Variants in SLC19A1 observed in about 807,000 individuals in gnomAD.
The protein encoded by SLC19A1 is solute carrier family 19 member 1, also known as reduced folate transporter.
SLC19A1 carries 37 observed loss-of-function variants against 35.3 expected under a neutral mutation model. That is an observed-to-expected ratio of 1.05 (90% CI 0.81 to 1.38). The LOEUF is 1.38. Ranked by LOEUF, SLC19A1 falls within the 40% of genes most tolerant of loss-of-function variation. SLC19A1 has a pLI of 0.00. For missense variants in SLC19A1, 831 were observed against 826.9 expected (o/e 1.00, Z -0.06); for synonymous variants, 460 against 398.5 (o/e 1.15, Z -1.84).
At chr21:45,509,439 C>T (rs1380703389), downstream of SLC19A1, 7 of 1,534,546 alleles carry the variant, frequency 4.6e-6, no homozygotes, top group African/African-American at 1.4e-5. Context: ...ACCCCCACCC[C>T]ACCGCGCGGC....
At position 45,531,936 on chromosome 21, in the gene SLC19A1, G is replaced by A; in HGVS notation, c.402C>T (p.Ile134=). 3 of 1,601,658 alleles carry A rather than the reference G, an allele frequency of 1.9e-6. No homozygotes were observed. The highest frequency in any genetic ancestry group is 2.6e-6 in the Non-Finnish European group (3 of 1,174,934). Reference sequence around the variant, plus strand: ...GAGAGAAGATGTAGGAGGAATAGGCGATGCGCGCGGCCATGGTGACGCTGT... The same window carrying A: ...GAGAGAAGATGTAGGAGGAATAGGCAATGCGCGCGGCCATGGTGACGCTGT... The part of the protein sequence containing the change: ...LFYSVTMAAR[I]AYSSYIFSLV... Residue 134 remains isoleucine, a synonymous_variant, in exon 3 of 6, where the codon ATC becomes ATT. Coordinates refer to ENST00000311124, the MANE Select transcript of SLC19A1 (RefSeq NM_194255.4).
intron 3 of SLC19A1, among the ~76,000 whole-genome samples, chr21:45,503,728 T>C (rs956595036): frequency 6.6e-6 from 1 of 151,760 alleles, no homozygotes; most frequent in Non-Finnish European, 1.5e-5. Flanking sequence ...ATGGCACATG[T>C]ATACATATGT....
chr21:45,548,872 T>A (rs923061863), upstream of SLC19A1, among the ~76,000 whole-genome samples: 1 of 152,216 alleles, frequency 6.6e-6, no homozygotes, highest in African/African-American at 2.4e-5. Context: ...CCACTCCTAC[T>A]ATAAAGGCTA....
rs1000011363 is a variant in SLC19A1 at position 45,534,640 on chromosome 21, C to T, written c.190-2492G>A. The T allele has an allele frequency of 1.4e-5, 22 of 1,530,756 alleles. No homozygotes were observed. The highest frequency in any genetic ancestry group is 6.9e-5 in the African/African-American group (5 of 72,934). 94.8% of individuals were successfully genotyped at this position (1,530,756 alleles called of 1,614,324 possible). On this transcript the variant is annotated intron_variant, in intron 2 of 5. Transcript: ENST00000311124. The surrounding 1 kb of genome is among the most constrained non-coding windows in gnomAD (Gnocchi z 4.2). ...TCCTGGTCTTAGTTGAGGGTCTGAG[C>T]GCAGAGCTCCCCCTTGGCAGCCACC... is the stretch of plus-strand genomic sequence containing the variant.
chr21:45,531,320 C>A (rs1602813358), intron 3 of SLC19A1, 69 bp downstream of exon 3: 1 of 1,520,554 alleles, frequency 6.6e-7, no homozygotes, highest in Non-Finnish European at 8.8e-7. Context: ...GGGGAAGGAT[C>A]CACGGGGCAG....
downstream of SLC19A1, chr21:45,509,258 A>AGCCCAGCCCCTCTC (rs1454652427): frequency 6.7e-7 from 1 of 1,489,238 alleles, no homozygotes; most frequent in Non-Finnish European, 9.0e-7. Context: ...GCCAGTTCAG[A>AGCCCAGCCCCTCTC]GCCCAGCCCC....
chr21:45,515,445 C>T lies in SLC19A1; in HGVS notation c.*213G>A. 1 of 1,467,256 alleles carries T rather than the reference C, an allele frequency of 6.8e-7. No homozygotes were observed. The highest frequency in any genetic ancestry group is 2.5e-4 in the Middle Eastern group (1 of 3,932). The allele number at this position is 1,467,256 out of a possible 1,614,324, so 90.9% of individuals were successfully genotyped here. On this transcript the variant is annotated 3_prime_UTR_variant, in exon 6 of 6. Transcript: ENST00000311124. ...TTCCAGCAACAAAGCCCGCGGGGCA[C>T]AGTGCAGGGACAGCATGGCCAGGCA...
Position 45,525,904 on chromosome 21 carries a change from G to C in SLC19A1, c.1206C>G (p.Val402=). Residue 402 remains valine, a synonymous_variant, in exon 5 of 6, where the codon GTC becomes GTG. Coordinates refer to ENST00000311124, the MANE Select transcript of SLC19A1 (RefSeq NM_194255.4). ...TGACGATGGTGGCAAAGAACGTGTT[G>C]ACCCCGAAGACCAGGGCACAGAGCT... is the stretch of plus-strand genomic sequence containing the variant. ...SKELCALVFG[V]NTFFATIVKT... 2 of 1,613,680 alleles carry C rather than the reference G, an allele frequency of 1.2e-6. No homozygotes were observed. Among genetic ancestry groups the C allele is most frequent in the Non-Finnish European group, 1.7e-6 (2 of 1,179,960 alleles).
At chr21:45,550,220 G>C (rs2078452018) in intron 1 of SLC19A1, among the ~76,000 whole-genome samples, 1 of 152,104 alleles carries the variant, frequency 6.6e-6, no homozygotes, top group Admixed American at 6.5e-5. Flanking sequence ...TCACTTCTGT[G>C]GTTTGGGGTG....
downstream of SLC19A1, chr21:45,510,149 G>T (rs756649129): frequency 3.8e-6 from 6 of 1,598,628 alleles, no homozygotes; most frequent in Non-Finnish European, 5.1e-6. Context: ...CAGCAGGCGC[G>T]GGCCGTGGGG....
upstream of SLC19A1, among the ~76,000 whole-genome samples, chr21:45,547,173 A>C (rs147061409): frequency 6.6e-6 from 1 of 152,380 alleles, no homozygotes; most frequent in East Asian, 1.9e-4. Context: ...CATTTAATGA[A>C]AAATGTGTAA....
At chr21:45,510,240 C>T (rs369895316), downstream of SLC19A1, 57 of 1,605,840 alleles carry the variant, frequency 3.5e-5, no homozygotes, top group African/African-American at 3.2e-4. Context: ...ACCGCGCAGC[C>T]GTGCCCATCG....
chr21:45,504,670 G>A, intron 3 of SLC19A1: 3 of 903,128 alleles, frequency 3.3e-6, no homozygotes, highest in Non-Finnish European at 5.2e-6. Context: ...GCCCCTGCAA[G>A]CTCAGCAGCC....
intron 1 of SLC19A1, among the ~76,000 whole-genome samples, chr21:45,549,988 C>T (rs916889428): frequency 1.3e-5 from 2 of 152,046 alleles, no homozygotes; most frequent in African/African-American, 4.8e-5. Flanking sequence ...TCCCAGGCTG[C>T]AGAGCCCCGA....
At chr21:45,548,571 C>A (rs1160006173), upstream of SLC19A1, among the ~76,000 whole-genome samples, 1 of 152,074 alleles carries the variant, frequency 6.6e-6, no homozygotes, top group Non-Finnish European at 1.5e-5. Context: ...TGGTGAAACC[C>A]CACCTCTACT....
At position 45,530,887 on chromosome 21, in the gene SLC19A1, G is replaced by C. The variant is rs760103304; in HGVS notation, c.1034C>G (p.Thr345Arg). Reference sequence around the variant, plus strand: ...CAGAAGGAAGACCAGCCCCGCCTGCGTGGCCGTGACGCCCGCGATGAGCAG... The same window carrying C: ...CAGAAGGAAGACCAGCCCCGCCTGCCTGGCCGTGACGCCCGCGATGAGCAG... ...SKLLIAGVTA[T>R]QAGLVFLLAH... Residue 345 changes from threonine to arginine, a missense_variant, in exon 4 of 6, where the codon ACG (threonine) becomes AGG (arginine). Thr to Arg is a moderately conservative substitution (Grantham distance 71). Coordinates refer to ENST00000311124, the MANE Select transcript of SLC19A1 (RefSeq NM_194255.4). This position sits in a 1 kb window ranked among gnomAD's most constrained non-coding sequence, Gnocchi z 5.3. The C allele has an allele frequency of 6.7e-7, 1 of 1,483,886 alleles. No homozygotes were observed. The highest frequency in any genetic ancestry group is 8.9e-7 in the Non-Finnish European group (1 of 1,119,118). The allele number at this position is 1,483,886 out of a possible 1,614,324, so 91.9% of individuals were successfully genotyped here.
chr21:45,555,911 G>A (rs904440665), intron 1 of SLC19A1, among the ~76,000 whole-genome samples: 1 of 152,114 alleles, frequency 6.6e-6, no homozygotes. Context: ...CATGGAGCAA[G>A]CTCTACACCC....
At position 45,515,175 on chromosome 21, in the gene SLC19A1, A is replaced by T; in HGVS notation, c.*483T>A. On this transcript the variant is annotated 3_prime_UTR_variant, in exon 6 of 6. Coordinates refer to ENST00000311124, the MANE Select transcript of SLC19A1 (RefSeq NM_194255.4). ...ATTCTACGTCAGTTAAAAAAAAAAAAAGCATCTTTCAAAAAAGCAAGAGCA... is the reference window on the plus strand; with the variant it reads ...ATTCTACGTCAGTTAAAAAAAAAAATAGCATCTTTCAAAAAAGCAAGAGCA... 6.6e-7 allele frequency: 1 copy of T among 1,517,840 alleles called. No homozygotes were observed. The highest frequency in any genetic ancestry group is 8.8e-7 in the Non-Finnish European group (1 of 1,137,036). The allele number at this position is 1,517,840 out of a possible 1,614,324, so 94.0% of individuals were successfully genotyped here.
At chr21:45,555,646 G>A (rs1451887580) in intron 1 of SLC19A1, among the ~76,000 whole-genome samples, 1 of 151,548 alleles carries the variant, frequency 6.6e-6, no homozygotes, top group East Asian at 2.0e-4. Context: ...GGAGGGCGGG[G>A]CGGGGCGGGG....
Sources: gnomAD v4.1 joint callset for allele counts (sites outside exome capture counted in the v4.1 genomes callset) on GRCh38, gnomAD v4.1.1 for gene constraint, Gnocchi (gnomAD v3.1) non-coding constraint, MANE v1.5 for transcripts, NCBI Gene and HGNC (gene_info 2026-07-23, HGNC 2026-07-21) for gene names.